PDE6D: variants seen among roughly 807,000 people sequenced by gnomAD.
PDE6D encodes retinal rod rhodopsin-sensitive cGMP 3',5'-cyclic phosphodiesterase subunit delta.
Under a neutral mutation model 21.9 loss-of-function variants are expected in PDE6D, and 10 were observed. The ratio of observed to expected loss-of-function variants is 0.46; its 90% CI spans 0.28 to 0.78. PDE6D has a LOEUF of 0.78. PDE6D is among the 30% of genes least tolerant of loss of function. The pLI is 0.12. For missense variants in PDE6D, 139 were observed against 184.8 expected (o/e 0.75, Z 1.44); for synonymous variants, 59 against 63.5 (o/e 0.93, Z 0.34).
At chr2:231,754,422 T>A (rs970980398) in intron 1 of PDE6D, among the ~76,000 whole-genome samples, 3 of 150,158 alleles carry the variant, frequency 2.0e-5, no homozygotes, top group Admixed American at 6.7e-5. Flanking sequence ...AGTGGTGCGA[T>A]CTCAGCTCAC....
intron 1 of PDE6D, among the ~76,000 whole-genome samples, chr2:231,752,910 T>C (rs2048853187): frequency 6.9e-6 from 1 of 144,494 alleles, no homozygotes; most frequent in African/African-American, 2.6e-5. Flanking sequence ...CTCAGCTCAC[T>C]GCAAGCTTCG....
At chr2:231,746,707 CAG>C (rs1459147115) in intron 1 of PDE6D, among the ~76,000 whole-genome samples, 1 of 151,750 alleles carries the variant, frequency 6.6e-6, no homozygotes, top group African/African-American at 2.4e-5. Context: ...GGTAAGAGAA[CAG>C]AGAGTGAGAA....
Position 231,739,895 on chromosome 2 carries a change from GC to G in PDE6D, c.51-708del, listed in dbSNP as rs1279078605. Among the ~76,000 whole-genome samples, 1 of 152,098 alleles carries G rather than the reference GC, an allele frequency of 6.6e-6. No homozygotes were observed. The highest frequency in any genetic ancestry group is 1.5e-5 in the Non-Finnish European group (1 of 68,030). On this transcript the variant is annotated intron_variant, in intron 1 of 4. Coordinates refer to ENST00000287600, the MANE Select transcript of PDE6D (RefSeq NM_002601.4). The surrounding 1 kb of genome is among the most constrained non-coding windows in gnomAD (Gnocchi z 4.2). ...GATCTGTCTGCCTCAGCCTCTGAGT[GC>G]CCTGTTTTTAAATATGAGAAGATAG...
At chr2:231,756,655 A>C (rs1574627285) in intron 1 of PDE6D, among the ~76,000 whole-genome samples, 1 of 132,114 alleles carries the variant, frequency 7.6e-6, no homozygotes, top group Admixed American at 8.4e-5. Context: ...TTCTAGGCTG[A>C]TCTCTATCTC....
intron 1 of PDE6D, among the ~76,000 whole-genome samples, chr2:231,751,368 C>T (rs2048838991): frequency 6.6e-6 from 1 of 152,102 alleles, no homozygotes; most frequent in South Asian, 2.1e-4. Flanking sequence ...ACTATGTTGT[C>T]CAGGCTGGTC....
chr2:231,764,017 G>A (rs113386841), intron 1 of PDE6D, among the ~76,000 whole-genome samples: 2 of 152,034 alleles, frequency 1.3e-5, no homozygotes, highest in African/African-American at 2.4e-5. Flanking sequence ...GTAAAACCCC[G>A]ATTCTTTTGC....
chr2:231,776,411 T>C (rs147301730), intron 1 of PDE6D, among the ~76,000 whole-genome samples: 338 of 151,404 alleles, frequency 2.2e-3, no homozygotes, highest in African/African-American at 7.8e-3. Flanking sequence ...ATAAACATGG[T>C]AAATCTATTA....
intron 1 of PDE6D, among the ~76,000 whole-genome samples, chr2:231,746,795 G>A (rs977105904): frequency 2.0e-5 from 3 of 151,984 alleles, no homozygotes; most frequent in Non-Finnish European, 2.9e-5. Flanking sequence ...GGGACGGAGT[G>A]AAGGGGAAAA....
chr2:231,752,660 C>T (rs149466155), intron 1 of PDE6D, among the ~76,000 whole-genome samples: 335 of 152,050 alleles, frequency 2.2e-3, no homozygotes, highest in African/African-American at 7.7e-3. Flanking sequence ...CTTGTAATTC[C>T]TGGAAAACCT....
chr2:231,760,110 C>T (rs1267589873), intron 1 of PDE6D, among the ~76,000 whole-genome samples: 1 of 152,156 alleles, frequency 6.6e-6, no homozygotes, highest in African/African-American at 2.4e-5. Flanking sequence ...TTTGAATCAG[C>T]TGGTATACTT....
intron 1 of PDE6D, among the ~76,000 whole-genome samples, chr2:231,769,892 G>C (rs960974075): frequency 6.6e-6 from 1 of 152,120 alleles, no homozygotes; most frequent in Non-Finnish European, 1.5e-5. Flanking sequence ...AGGAACCCTC[G>C]AGTTGGTTCT....
intron 1 of PDE6D, among the ~76,000 whole-genome samples, chr2:231,745,287 G>A (rs1193770450): frequency 1.3e-5 from 2 of 151,754 alleles, no homozygotes; most frequent in East Asian, 3.9e-4. Flanking sequence ...GACAAGCTTT[G>A]ATGATTGGTC....
chr2:231,781,183 C>A lies in PDE6D; in HGVS notation c.-69G>T. The A allele has an allele frequency of 6.6e-7, 1 of 1,505,602 alleles. No homozygotes were observed. The highest frequency in any genetic ancestry group is 9.2e-7 in the Non-Finnish European group (1 of 1,086,956). 93.3% of individuals were successfully genotyped at this position (1,505,602 alleles called of 1,614,324 possible). On this transcript the variant is annotated 5_prime_UTR_variant, in exon 1 of 5. Coordinates refer to ENST00000287600, the MANE Select transcript of PDE6D (RefSeq NM_002601.4). ...GAGCCTCGCAGACGGTGCCCAGGAG[C>A]CGAGGATGGAGCCGCAGCCCGGCTT...
chr2:231,780,922 C>T (rs1056311869), intron 1 of PDE6D, 143 bp downstream of exon 1: 4 of 730,638 alleles, frequency 5.5e-6, no homozygotes, highest in Non-Finnish European at 4.5e-6. Flanking sequence ...GCCGGGTGCT[C>T]GGCACGCTGT....
intron 1 of PDE6D, among the ~76,000 whole-genome samples, chr2:231,752,434 C>T (rs1326336672): frequency 6.6e-6 from 1 of 152,202 alleles, no homozygotes; most frequent in African/African-American, 2.4e-5. Flanking sequence ...GATTATAAAA[C>T]ACGATATAAG....
chr2:231,774,763 G>T (rs1400259334), intron 1 of PDE6D, among the ~76,000 whole-genome samples: 5 of 151,758 alleles, frequency 3.3e-5, no homozygotes, highest in Admixed American at 1.3e-4. Context: ...GCTAATTTTT[G>T]TATTTTTAGT....
intron 1 of PDE6D, among the ~76,000 whole-genome samples, chr2:231,780,167 AGGGGC>A: frequency 6.6e-6 from 1 of 152,186 alleles, no homozygotes; most frequent in Non-Finnish European, 1.5e-5. Flanking sequence ...AGGATGCAAA[AGGGGC>A]ACCACAACAG....
chr2:231,766,725 G>A (rs1294956594), intron 1 of PDE6D, among the ~76,000 whole-genome samples: 3 of 152,170 alleles, frequency 2.0e-5, no homozygotes, highest in African/African-American at 7.2e-5. Flanking sequence ...GGGCATGGTG[G>A]CTCATGCCTA....
chr2:231,742,419 G>A (rs775257992), intron 1 of PDE6D, among the ~76,000 whole-genome samples: 3 of 151,934 alleles, frequency 2.0e-5, no homozygotes, highest in Non-Finnish European at 4.4e-5. Flanking sequence ...CACCTTGCCC[G>A]GCTGACTATG....
Sources: gnomAD v4.1 joint callset for allele counts (sites outside exome capture counted in the v4.1 genomes callset) on GRCh38, gnomAD v4.1.1 for gene constraint, Gnocchi (gnomAD v3.1) non-coding constraint, MANE v1.5 for transcripts, NCBI Gene and HGNC (gene_info 2026-07-23, HGNC 2026-07-21) for gene names.